The following MAP3K20 variants were observed in gnomAD, a reference collection of about 807,000 sequenced individuals.
The protein encoded by MAP3K20 is HCCS-4.
MAP3K20 carries 40 observed loss-of-function variants against 85.7 expected under a neutral mutation model. That is an observed-to-expected ratio of 0.47 (90% CI 0.36 to 0.61). The LOEUF (loss-of-function observed/expected upper bound fraction) is 0.61, where lower values mean the gene tolerates loss of function less well. MAP3K20 is among the 20% of genes least tolerant of loss of function. The probability of loss-of-function intolerance (pLI) is 0.00; values close to 1 mark genes in which losing one functional copy is unlikely to be tolerated. For synonymous variants in MAP3K20, 325 were observed against 327.7 expected (o/e 0.99, Z 0.09); for missense variants, 817 against 961.7 (o/e 0.85, Z 1.99).
intron 1 of MAP3K20, among the ~76,000 whole-genome samples, chr2:173,090,353 A>G (rs1687257803): frequency 6.6e-6 from 1 of 152,204 alleles, no homozygotes; most frequent in Non-Finnish European, 1.5e-5. Context: ...TCGATGACTT[A>G]ATATATTGTA....
In MAP3K20 at chr2:173,153,298, C is replaced by T. The variant is rs1197928074; in HGVS notation, c.160-16507C>T. 4.6e-5 allele frequency among the ~76,000 whole-genome samples: 7 copies of T among 152,210 alleles called. No individual in the cohort carries two copies. The East Asian group carries it at 1.2e-3, about 25-fold the overall frequency. On this transcript the variant is annotated intron_variant, in intron 2 of 19. Transcript: ENST00000375213. Reference sequence around the variant, plus strand: ...CTCTAAGTCTTTGTAACTGACTGTCCGTGACTACCTCTGAATACTCACACA... The same window carrying T: ...CTCTAAGTCTTTGTAACTGACTGTCTGTGACTACCTCTGAATACTCACACA...
At chr2:173,135,142 C>G (rs1411935548) in intron 2 of MAP3K20, among the ~76,000 whole-genome samples, 1 of 151,926 alleles carries the variant, frequency 6.6e-6, no homozygotes, top group East Asian at 1.9e-4. Flanking sequence ...TTATCTGGTC[C>G]TGAAATAAAA....
intron 2 of MAP3K20, among the ~76,000 whole-genome samples, chr2:173,118,355 T>A (rs1688183040): frequency 6.6e-6 from 1 of 152,234 alleles, no homozygotes; most frequent in Non-Finnish European, 1.5e-5. Flanking sequence ...TGGACCTGAA[T>A]TAATTTTTTG....
intron 16 of MAP3K20, among the ~76,000 whole-genome samples, chr2:173,244,582 T>C (rs1684871952): frequency 6.6e-6 from 1 of 152,182 alleles, no homozygotes; most frequent in Non-Finnish European, 1.5e-5. Flanking sequence ...ATCTTTATTA[T>C]TGTCTTTGTA....
chr2:173,151,912 C>T (rs1442122735), intron 2 of MAP3K20, among the ~76,000 whole-genome samples: 1 of 152,184 alleles, frequency 6.6e-6, no homozygotes, highest in African/African-American at 2.4e-5. Context: ...TCAGATTGTA[C>T]TCAGCTTACA....
chr2:173,155,824 A>ATAGCT (rs1559255830), intron 2 of MAP3K20, among the ~76,000 whole-genome samples: 1 of 152,222 alleles, frequency 6.6e-6, no homozygotes, highest in Non-Finnish European at 1.5e-5. Flanking sequence ...TTGATCTCTG[A>ATAGCT]TAGCTTGATA....
intron 2 of MAP3K20, among the ~76,000 whole-genome samples, chr2:173,117,936 G>C (rs575557903): frequency 6.2e-4 from 95 of 152,268 alleles, no homozygotes; most frequent in Non-Finnish European, 1.1e-3. Context: ...GGTGATAGAT[G>C]CTTGAGGGGG....
At position 173,139,589 on chromosome 2, in the gene MAP3K20, CT is replaced by C. The variant is rs573304063; in HGVS notation, c.160-30215del. Among the ~76,000 whole-genome samples, 31 of 152,264 alleles carry C rather than the reference CT, an allele frequency of 2.0e-4. No individual in the cohort carries two copies. In the East Asian group the frequency reaches 4.0e-3, roughly 20 times the overall value. On this transcript the variant is annotated intron_variant, in intron 2 of 19. Transcript: ENST00000375213. ...CATTTATTAGGTGCCTACTTTCCCC[CT>C]GATTGTTATCTTACTTATAAGTAAA... is the stretch of plus-strand genomic sequence containing the variant.
chr2:173,206,208 C>G (rs1574109083), intron 9 of MAP3K20, among the ~76,000 whole-genome samples: 1 of 152,098 alleles, frequency 6.6e-6, no homozygotes, highest in South Asian at 2.1e-4. Context: ...CACTCAGTAC[C>G]ACATTAATTA....
At chr2:173,222,360 G>C in intron 11 of MAP3K20, 1 of 985,892 alleles carries the variant, frequency 1.0e-6, no homozygotes, top group Non-Finnish European at 1.2e-6. Flanking sequence ...AGCCTGAGCA[G>C]TGTTCTCAGT....
chr2:173,117,555 C>T (rs1161402245), intron 2 of MAP3K20, among the ~76,000 whole-genome samples: 1 of 152,192 alleles, frequency 6.6e-6, no homozygotes, highest in Non-Finnish European at 1.5e-5. Context: ...GTTGGGATTA[C>T]AGGCACAAGC....
intron 16 of MAP3K20, among the ~76,000 whole-genome samples, chr2:173,256,902 A>G (rs1263046651): frequency 6.6e-6 from 1 of 152,220 alleles, no homozygotes; most frequent in East Asian, 1.9e-4. Context: ...CTGTAATCCC[A>G]GCACTTTGGG....
intron 14 of MAP3K20, 133 bp downstream of exon 14, chr2:173,232,592 C>T (rs1684548518): frequency 7.4e-7 from 1 of 1,343,650 alleles, no homozygotes; most frequent in Non-Finnish European, 1.0e-6. Flanking sequence ...CACCCTCCGC[C>T]TCCTGGGTTC....
chr2:173,209,783 A>G lies in MAP3K20; in HGVS notation c.799A>G (p.Thr267Ala). The change falls in exon 10 of 20, where the codon ACG becomes GCG. Residue 267 changes from threonine to alanine, a missense_variant. Coordinates refer to ENST00000375213, the MANE Select transcript of MAP3K20 (RefSeq NM_016653.3). ...ISILESMSND[T>A]SLPDKCNSFL... The stretch of plus-strand genomic sequence containing the variant: ...AATCCTGGAGTCCATGTCAAATGAC[A>G]CGAGCCTTCCTGACAAGTGTAACTC... 2.5e-6 allele frequency: 4 copies of G among 1,614,086 alleles called. No individual in the cohort carries two copies. Among genetic ancestry groups the G allele is most frequent in the Non-Finnish European group, 3.4e-6 (4 of 1,179,990 alleles).
chr2:173,086,638 G>T (rs1330153087), intron 1 of MAP3K20, among the ~76,000 whole-genome samples: 1 of 152,170 alleles, frequency 6.6e-6, no homozygotes, highest in African/African-American at 2.4e-5. Context: ...TGAAGAACCT[G>T]GCTAGTTGCC....
At chr2:173,248,788 C>A (rs1379347772) in intron 16 of MAP3K20, among the ~76,000 whole-genome samples, 2 of 152,214 alleles carry the variant, frequency 1.3e-5, no homozygotes, top group Non-Finnish European at 2.9e-5. Context: ...TGTAAGCAAT[C>A]AGCTCATGAG....
intron 16 of MAP3K20, among the ~76,000 whole-genome samples, chr2:173,240,773 C>G (rs1017038833): frequency 6.6e-6 from 1 of 152,056 alleles, no homozygotes; most frequent in Non-Finnish European, 1.5e-5. Flanking sequence ...AGGTATATAA[C>G]CAAAAGAATG....
chr2:173,175,307 T>G (rs1038156499), intron 3 of MAP3K20, among the ~76,000 whole-genome samples: 1 of 152,232 alleles, frequency 6.6e-6, no homozygotes. Context: ...TTTACAGGAC[T>G]GCAGTTGCCA....
chr2:173,225,192 G>C, intron 11 of MAP3K20: 1 of 973,374 alleles, frequency 1.0e-6, no homozygotes, highest in African/African-American at 1.8e-5. Context: ...AGAGTGTTGG[G>C]GCTAGGGCAC....
Sources: gnomAD v4.1 joint callset for allele counts (sites outside exome capture counted in the v4.1 genomes callset) on GRCh38, gnomAD v4.1.1 for gene constraint, MANE v1.5 for transcripts, NCBI Gene and HGNC (gene_info 2026-07-23, HGNC 2026-07-21) for gene names.